Variants in NFIA observed in about 807,000 individuals in gnomAD.
The protein encoded by NFIA is nuclear factor 1 A-type.
In NFIA, 8 loss-of-function variants were observed where a neutral mutation model predicts 62.8. The observed-to-expected ratio is 0.13, with a 90% CI of 0.07 to 0.23. The LOEUF (loss-of-function observed/expected upper bound fraction) is 0.23. Among genes scored for constraint, NFIA ranks in the 10% least tolerant of loss-of-function variants. The probability of loss-of-function intolerance (pLI) is 1.00; values close to 1 mark genes in which losing one functional copy is unlikely to be tolerated. For missense variants in NFIA, 410 were observed against 642.1 expected (o/e 0.64, Z 3.91); for synonymous variants, 235 against 238.1 (o/e 0.99, Z 0.12).
At chr1:61,453,775 C>A (rs187152426) in intron 10 of NFIA, among the ~76,000 whole-genome samples, 6 of 152,266 alleles carry the variant, frequency 3.9e-5, no homozygotes, top group Admixed American at 3.9e-4. Context: ...ACTAGAAACA[C>A]AGTTTGGGGT....
chr1:61,279,135 ATTG>A (rs1237433363), intron 3 of NFIA, among the ~76,000 whole-genome samples: 2 of 152,076 alleles, frequency 1.3e-5, no homozygotes, highest in African/African-American at 4.8e-5. Flanking sequence ...TGTTCTGTAC[ATTG>A]TTCCATGTTG....
intron 6 of NFIA, among the ~76,000 whole-genome samples, chr1:61,381,001 A>G (rs1456663019): frequency 6.6e-6 from 1 of 151,980 alleles, no homozygotes; most frequent in Admixed American, 6.6e-5. Flanking sequence ...GAAAACATGA[A>G]TTTTTCAAAG....
intron 2 of NFIA, among the ~76,000 whole-genome samples, chr1:61,234,133 C>T (rs1045878730): frequency 1.3e-5 from 2 of 151,870 alleles, no homozygotes; most frequent in African/African-American, 2.4e-5. Context: ...TTTGGGAGGC[C>T]GAGGCGGGCG....
intron 9 of NFIA, among the ~76,000 whole-genome samples, chr1:61,407,263 C>G (rs1284729757): frequency 6.6e-6 from 1 of 152,002 alleles, no homozygotes. Flanking sequence ...CCCTGGCAGT[C>G]GCATGGTGAG....
In NFIA at chr1:61,240,523, C is replaced by CT. The variant is rs1033474545; in HGVS notation, c.560-36989dup. ...TTCCACAAACCGTACACAATGGGGT[C>CT]TTTTTTTTAATCGTAAATATTCCCC... On this transcript the variant is annotated intron_variant, in intron 2 of 10. Coordinates refer to ENST00000403491, the MANE Select transcript of NFIA (RefSeq NM_001134673.4). Among the ~76,000 whole-genome samples, 13 of 151,294 alleles carry CT rather than the reference C, an allele frequency of 8.6e-5. No homozygotes were observed. In the East Asian group the frequency reaches 2.5e-3, roughly 29 times the overall value.
At chr1:61,087,515 C>T (rs917082200) in intron 1 of NFIA, among the ~76,000 whole-genome samples, 2 of 151,724 alleles carry the variant, frequency 1.3e-5, no homozygotes, top group Non-Finnish European at 1.5e-5. Flanking sequence ...CAAATTTGTC[C>T]TAGTTTTTGA....
chr1:61,372,576 T>A (rs972816721), intron 6 of NFIA, among the ~76,000 whole-genome samples: 49 of 139,888 alleles, frequency 3.5e-4, no homozygotes, highest in African/African-American at 1.4e-3. Context: ...TCATTGTTGT[T>A]AAAAAAAAAA....
chr1:61,399,666 A>G (rs1347161992), intron 7 of NFIA, among the ~76,000 whole-genome samples: 1 of 152,216 alleles, frequency 6.6e-6, no homozygotes, highest in Non-Finnish European at 1.5e-5. Flanking sequence ...TTCTTCTTCT[A>G]TCTCTTTTTC....
At chr1:61,432,306 A>C (rs1667131750) in intron 10 of NFIA, among the ~76,000 whole-genome samples, 1 of 150,166 alleles carries the variant, frequency 6.7e-6, no homozygotes, top group Non-Finnish European at 1.5e-5. Context: ...TCTTCCCTGG[A>C]CCAGATAAAA....
Position 61,448,640 on chromosome 1 carries a change from A to G in NFIA, c.1513-6663A>G, listed in dbSNP as rs568062775. Reference sequence around the variant, plus strand: ...TTGCCTAAGATTATCTAACTAGTTCATAATGGTGCCAGGATTTTTGTCATT... The same window carrying G: ...TTGCCTAAGATTATCTAACTAGTTCGTAATGGTGCCAGGATTTTTGTCATT... On this transcript the variant is annotated intron_variant, in intron 10 of 10. Coordinates refer to ENST00000403491, the MANE Select transcript of NFIA (RefSeq NM_001134673.4). 2.0e-5 allele frequency among the ~76,000 whole-genome samples: 3 copies of G among 152,378 alleles called. No homozygotes were observed. The South Asian group carries it at 6.2e-4, about 32-fold the overall frequency.
At chr1:61,129,742 G>T (rs898103565) in intron 2 of NFIA, among the ~76,000 whole-genome samples, 4 of 152,058 alleles carry the variant, frequency 2.6e-5, no homozygotes, top group Non-Finnish European at 5.9e-5. Context: ...GAGCCACCAC[G>T]CCTGGCCAGT....
At chr1:61,247,874 G>C (rs1655751560) in intron 2 of NFIA, among the ~76,000 whole-genome samples, 1 of 152,200 alleles carries the variant, frequency 6.6e-6, no homozygotes, top group African/African-American at 2.4e-5. Context: ...TAATAAATGA[G>C]AGAATAAGTA....
intron 6 of NFIA, among the ~76,000 whole-genome samples, chr1:61,368,837 A>G (rs1663736187): frequency 6.6e-6 from 1 of 152,224 alleles, no homozygotes; most frequent in Non-Finnish European, 1.5e-5. Context: ...ACACCTCTGC[A>G]TCTATTATAT....
chr1:61,410,690 T>C (rs563679370), intron 9 of NFIA, among the ~76,000 whole-genome samples: 11 of 152,204 alleles, frequency 7.2e-5, no homozygotes, highest in African/African-American at 2.6e-4. Context: ...GCAGATTGCT[T>C]GAGCTCAGGA....
intron 2 of NFIA, among the ~76,000 whole-genome samples, chr1:61,201,134 G>A (rs1481313122): frequency 6.6e-6 from 1 of 152,070 alleles, no homozygotes; most frequent in Non-Finnish European, 1.5e-5. Context: ...TCTCAGATTT[G>A]GCTTTTTTGT....
At chr1:61,189,006 G>T (rs944012952) in intron 2 of NFIA, among the ~76,000 whole-genome samples, 1 of 152,136 alleles carries the variant, frequency 6.6e-6, no homozygotes, top group Non-Finnish European at 1.5e-5. Context: ...GGCCAGTATG[G>T]TGTCTCTTAA....
intron 9 of NFIA, among the ~76,000 whole-genome samples, chr1:61,422,274 G>A (rs1169102936): frequency 6.6e-6 from 1 of 152,124 alleles, no homozygotes; most frequent in Non-Finnish European, 1.5e-5. Flanking sequence ...AAAAAATAAA[G>A]AAACCTCAAC....
rs1023264976 is a variant in NFIA at position 61,156,490 on chromosome 1, T to C, written c.559+67810T>C. Among the ~76,000 whole-genome samples the C allele has an allele frequency of 2.6e-5, 4 of 152,338 alleles. No homozygotes were observed. The South Asian group carries it at 6.2e-4, about 24-fold the overall frequency. ...ATTTGGGAGAGCATTTTACTGACTA[T>C]AGAGAATTCATTGCATTGATCTATT... On this transcript the variant is annotated intron_variant, in intron 2 of 10. Coordinates refer to ENST00000403491, the MANE Select transcript of NFIA (RefSeq NM_001134673.4).
At chr1:61,251,058 A>G (rs550992749) in intron 2 of NFIA, 2 of 152,274 alleles carry the variant, frequency 1.3e-5, no homozygotes, top group Non-Finnish European at 2.9e-5. Context: ...TTCTTTGTTT[A>G]AATAAACTTT....
Sources: allele counts gnomAD v4.1 joint callset (sites outside exome capture counted in the v4.1 genomes callset), GRCh38; gene constraint gnomAD v4.1.1; transcripts MANE v1.5; gene names NCBI Gene and HGNC (gene_info 2026-07-23, HGNC 2026-07-21).